MAP3K20: variants seen among roughly 807,000 people sequenced by gnomAD.
MAP3K20 encodes mitogen-activated protein kinase kinase kinase 20.
MAP3K20 carries 40 observed loss-of-function variants against 85.7 expected under a neutral mutation model. The observed-to-expected ratio is 0.47, with a 90% CI of 0.36 to 0.61. MAP3K20 has a LOEUF of 0.61. Ranked by LOEUF, MAP3K20 falls within the 20% of genes least tolerant of loss-of-function variation. The pLI is 0.00. For missense variants in MAP3K20, 817 were observed against 961.7 expected (o/e 0.85, Z 1.99); for synonymous variants, 325 against 327.7 (o/e 0.99, Z 0.09).
chr2:173,092,495 G>A (rs556000905), intron 2 of MAP3K20, among the ~76,000 whole-genome samples: 6 of 152,242 alleles, frequency 3.9e-5, no homozygotes, highest in Admixed American at 3.3e-4. Context: ...AGAGCTTTGC[G>A]AAATGTATTA....
chr2:173,223,152 G>C, intron 11 of MAP3K20: 1 of 985,384 alleles, frequency 1.0e-6, no homozygotes, highest in Non-Finnish European at 1.2e-6. Context: ...TGCTGTGCCA[G>C]CTTCATTTGG....
At chr2:173,177,461 T>TTTTC (rs1320620473) in intron 3 of MAP3K20, among the ~76,000 whole-genome samples, 13 of 151,158 alleles carry the variant, frequency 8.6e-5, no homozygotes, top group Middle Eastern at 3.2e-3. Context: ...TTTTTTTTTT[T>TTTTC]TGAGATGAAG....
chr2:173,087,269 T>C (rs1311192280), intron 1 of MAP3K20, among the ~76,000 whole-genome samples: 1 of 152,180 alleles, frequency 6.6e-6, no homozygotes, highest in African/African-American at 2.4e-5. Context: ...AGAATTCAGC[T>C]GTGCTCAGGA....
At chr2:173,143,327 G>A (rs1420037995) in intron 2 of MAP3K20, among the ~76,000 whole-genome samples, 1 of 151,996 alleles carries the variant, frequency 6.6e-6, no homozygotes, top group Non-Finnish European at 1.5e-5. Context: ...TAATAACAGA[G>A]CTTCAAAATA....
At chr2:173,175,572 A>G (rs1690128811) in intron 3 of MAP3K20, among the ~76,000 whole-genome samples, 1 of 152,178 alleles carries the variant, frequency 6.6e-6, no homozygotes, top group Non-Finnish European at 1.5e-5. Flanking sequence ...TTTAAACCTT[A>G]CAGTGGGCCA....
intron 13 of MAP3K20, 41 bp from the exon 14 acceptor site, chr2:173,232,279 T>C (rs1392570633): frequency 2.5e-6 from 4 of 1,613,738 alleles, no homozygotes; most frequent in Non-Finnish European, 3.4e-6. Flanking sequence ...TTGGATGTGA[T>C]TTCATCTAAT....
At chr2:173,184,707 G>C (rs996703887) in intron 4 of MAP3K20, among the ~76,000 whole-genome samples, 4 of 151,906 alleles carry the variant, frequency 2.6e-5, no homozygotes, top group Admixed American at 2.6e-4. Context: ...CCAGGAATTT[G>C]AGATCAGCCT....
At chr2:173,265,361 GTTC>G (rs1408122573) in intron 19 of MAP3K20, among the ~76,000 whole-genome samples, 1 of 152,206 alleles carries the variant, frequency 6.6e-6, no homozygotes. Flanking sequence ...TTACTAAATG[GTTC>G]TTGTTAATTC....
intron 8 of MAP3K20, among the ~76,000 whole-genome samples, chr2:173,200,571 CT>C (rs1007641704): frequency 5.3e-5 from 8 of 151,788 alleles, no homozygotes; most frequent in African/African-American, 1.5e-4. Flanking sequence ...TTAGAGTTGT[CT>C]TTTTTTTAAC....
At chr2:173,170,894 T>TA (rs1261096872) in intron 3 of MAP3K20, among the ~76,000 whole-genome samples, 6 of 152,214 alleles carry the variant, frequency 3.9e-5, no homozygotes, top group African/African-American at 1.4e-4. Context: ...GCTCCTCTTC[T>TA]ATGCAAGCTA....
upstream of MAP3K20, chr2:173,075,613 T>G: frequency 2.6e-6 from 1 of 382,632 alleles, no homozygotes; most frequent in Non-Finnish European, 3.6e-6. Context: ...AAAAGATGAG[T>G]TAAGGTGCTG....
At chr2:173,137,849 C>CA (rs1237664863) in intron 2 of MAP3K20, among the ~76,000 whole-genome samples, 2 of 151,268 alleles carry the variant, frequency 1.3e-5, no homozygotes, top group African/African-American at 4.8e-5. Context: ...CTCAACCATA[C>CA]AAGCCACAAA....
intron 16 of MAP3K20, among the ~76,000 whole-genome samples, chr2:173,255,951 A>G (rs1685147459): frequency 6.6e-6 from 1 of 152,216 alleles, no homozygotes; most frequent in Non-Finnish European, 1.5e-5. Context: ...TGGCTCCAAA[A>G]CAAAGAAATA....
At chr2:173,249,309 A>C (rs1036378725) in intron 16 of MAP3K20, among the ~76,000 whole-genome samples, 1 of 152,186 alleles carries the variant, frequency 6.6e-6, no homozygotes, top group Non-Finnish European at 1.5e-5. Flanking sequence ...CTGTTTTCTA[A>C]ACCAAAAATT....
At chr2:173,141,769 C>G (rs73971697) in intron 2 of MAP3K20, among the ~76,000 whole-genome samples, 21,954 of 152,022 alleles carry the variant, frequency 0.14, 2,431 homozygotes, top group African/African-American at 0.31. Context: ...ACACCACACT[C>G]AGTCACATCA....
Position 173,134,419 on chromosome 2 carries a change from TATATA to T in MAP3K20, c.160-35385_160-35381del, listed in dbSNP as rs1304932416. On this transcript the variant is annotated intron_variant, in intron 2 of 19. Transcript: ENST00000375213. ...ATATATATATATATATATATATATA[TATATA>T]TATATTTTTTTTTTTTTTTTTTTGC... 1.2e-3 allele frequency among the ~76,000 whole-genome samples: 27 copies of T among 23,130 alleles called. 2 individuals are homozygous for T. Among genetic ancestry groups the T allele is most frequent in the African/African-American group, 4.4e-3 (26 of 5,942 alleles). 15.2% of individuals were successfully genotyped at this position (23,130 alleles called of 152,430 possible).
intron 2 of MAP3K20, among the ~76,000 whole-genome samples, chr2:173,093,995 G>T (rs1251041235): frequency 3.8e-5 from 4 of 104,962 alleles, no homozygotes; most frequent in African/African-American, 1.1e-4. Flanking sequence ...GTTGTGGGGT[G>T]GGGGGAGGGG....
intron 8 of MAP3K20, among the ~76,000 whole-genome samples, chr2:173,203,335 A>C (rs911723265): frequency 2.0e-5 from 3 of 151,832 alleles, no homozygotes; most frequent in Non-Finnish European, 4.4e-5. Flanking sequence ...TGAGAAATGT[A>C]GAGTTTTTAA....
At chr2:173,095,143 G>C in intron 2 of MAP3K20, among the ~76,000 whole-genome samples, 1 of 152,146 alleles carries the variant, frequency 6.6e-6, no homozygotes, top group East Asian at 1.9e-4. Flanking sequence ...TAATCCATTA[G>C]TGTTATTCAT....
Sources: allele counts gnomAD v4.1 joint callset (sites outside exome capture counted in the v4.1 genomes callset), GRCh38; gene constraint gnomAD v4.1.1; transcripts MANE v1.5; gene names NCBI Gene and HGNC (gene_info 2026-07-23, HGNC 2026-07-21).